Variants in PPARGC1A observed in about 807,000 individuals in gnomAD.
PPARGC1A encodes the protein PPARG coactivator 1 alpha.
A neutral mutation model predicts 88.7 loss-of-function variants in PPARGC1A; 25 were observed. The ratio of observed to expected loss-of-function variants is 0.28; its 90% confidence interval spans 0.21 to 0.39. PPARGC1A has a LOEUF of 0.39. Among genes scored for constraint, PPARGC1A ranks in the 10% least tolerant of loss-of-function variants. The probability of loss-of-function intolerance (pLI) is 1.00; values close to 1 mark genes in which losing one functional copy is unlikely to be tolerated. For synonymous variants in PPARGC1A, 363 were observed against 355.6 expected, an observed-to-expected ratio of 1.02 and a Z score of -0.24; for missense variants, 880 against 968.7, an observed-to-expected ratio of 0.91 and a Z score of 1.22.
At chr4:24,461,764 TAATTCCTTCTACAC>T in the PPARGC1A span, among the ~76,000 whole-genome samples, 17 of 152,190 alleles carry the variant, frequency 1.1e-4, no homozygotes, top group Non-Finnish European at 2.1e-4. Flanking sequence ...ATTCCTTGAC[TAATTCCTTCTACAC>T]TTTCCTTCTG....
the PPARGC1A span, among the ~76,000 whole-genome samples, chr4:24,353,053 C>T: frequency 6.6e-6 from 1 of 152,066 alleles, no homozygotes; most frequent in Admixed American, 6.5e-5. Context: ...TATTGAATGG[C>T]GGGTGGAGGA....
At chr4:24,147,312 G>A in the PPARGC1A span, among the ~76,000 whole-genome samples, 14 of 152,274 alleles carry the variant, frequency 9.2e-5, no homozygotes, top group East Asian at 5.8e-4. Context: ...CAGTGAGACC[G>A]GGGATCCATG....
the PPARGC1A span, among the ~76,000 whole-genome samples, chr4:24,109,262 T>G: frequency 6.9e-6 from 1 of 144,892 alleles, no homozygotes; most frequent in Non-Finnish European, 1.5e-5. Context: ...CCCCTCTACT[T>G]TATTTCTCTC....
chr4:23,846,202 C>A (rs78853165), intron 2 of PPARGC1A, among the ~76,000 whole-genome samples: 3,669 of 152,308 alleles, frequency 0.024, 96 homozygotes, highest in African/African-American at 0.065. Context: ...TGCCTTGCCA[C>A]ATTGTGGCTC....
chr4:23,973,324 C>T, the PPARGC1A span, among the ~76,000 whole-genome samples: 1 of 152,224 alleles, frequency 6.6e-6, no homozygotes, highest in African/African-American at 2.4e-5. Context: ...CAAAGGCTTT[C>T]AGACTTTATT....
chr4:24,113,675 T>A, the PPARGC1A span, among the ~76,000 whole-genome samples: 2 of 152,176 alleles, frequency 1.3e-5, no homozygotes, highest in Non-Finnish European at 2.9e-5. Context: ...GCTTCTCTTC[T>A]ATGGGAAAAA....
chr4:24,363,313 A>G, the PPARGC1A span, among the ~76,000 whole-genome samples: 10 of 152,354 alleles, frequency 6.6e-5, no homozygotes, highest in Middle Eastern at 3.4e-3. Context: ...TGTTGGCTCA[A>G]TATAAACATT....
the PPARGC1A span, among the ~76,000 whole-genome samples, chr4:24,142,036 A>G: frequency 6.6e-6 from 1 of 152,214 alleles, no homozygotes; most frequent in South Asian, 2.1e-4. Flanking sequence ...TTTAGCTTTC[A>G]TAATATTATT....
the PPARGC1A span, among the ~76,000 whole-genome samples, chr4:24,117,266 G>A: frequency 6.6e-6 from 1 of 151,990 alleles, no homozygotes. Context: ...TCTGTGCCTT[G>A]GCTTTTTCTT....
chr4:24,020,324 G>A, the PPARGC1A span, among the ~76,000 whole-genome samples: 2 of 152,120 alleles, frequency 1.3e-5, no homozygotes, highest in Non-Finnish European at 2.9e-5. Context: ...TACGGCACTG[G>A]CAAGGGGATT....
chr4:24,016,979 T>C, the PPARGC1A span, among the ~76,000 whole-genome samples: 2 of 152,134 alleles, frequency 1.3e-5, no homozygotes, highest in South Asian at 4.2e-4. Flanking sequence ...GAGGAAATTG[T>C]AGGAACAGGA....
At chr4:23,845,338 T>C (rs947311354) in intron 2 of PPARGC1A, among the ~76,000 whole-genome samples, 6 of 152,122 alleles carry the variant, frequency 3.9e-5, no homozygotes, top group Non-Finnish European at 8.8e-5. Context: ...CAGAGGTCAA[T>C]GCTATTTGTT....
At chr4:23,947,352 GATATATATAT>G in the PPARGC1A span, among the ~76,000 whole-genome samples, 8 of 75,850 alleles carry the variant, frequency 1.1e-4, no homozygotes, top group African/African-American at 4.8e-4. Context: ...GTTATATAGT[GATATATATAT>G]ATATATATAT....
intron 12 of PPARGC1A, 35 bp downstream of exon 12, chr4:23,801,695 T>C: frequency 2.5e-6 from 4 of 1,611,568 alleles, no homozygotes; most frequent in Non-Finnish European, 2.5e-6. Context: ...CTCTACATTA[T>C]GGATTCCTCA....
At chr4:23,804,633 T>A (rs1226088377) in intron 10 of PPARGC1A, among the ~76,000 whole-genome samples, 2 of 152,230 alleles carry the variant, frequency 1.3e-5, no homozygotes, top group Non-Finnish European at 2.9e-5. Context: ...AGGCCCTGTA[T>A]GGTCTGGGCC....
At chr4:24,203,336 C>T in the PPARGC1A span, among the ~76,000 whole-genome samples, 7 of 152,198 alleles carry the variant, frequency 4.6e-5, no homozygotes, top group South Asian at 8.3e-4. Flanking sequence ...GTCAGGAGTT[C>T]GAGACCAGTC....
the PPARGC1A span, among the ~76,000 whole-genome samples, chr4:24,344,736 A>G: frequency 6.6e-6 from 1 of 151,956 alleles, no homozygotes; most frequent in African/African-American, 2.4e-5. Flanking sequence ...TCCTTTTGCC[A>G]TGCAAAAGCC....
At chr4:24,393,607 G>C in the PPARGC1A span, among the ~76,000 whole-genome samples, 2 of 152,170 alleles carry the variant, frequency 1.3e-5, no homozygotes, top group African/African-American at 4.8e-5. Flanking sequence ...AGTGAGTAGG[G>C]AAAAGGGCAC....
chr4:24,016,795 A>T, the PPARGC1A span, among the ~76,000 whole-genome samples: 13 of 152,204 alleles, frequency 8.5e-5, no homozygotes. Flanking sequence ...TCAGAGGACA[A>T]ATTACACCAA....
Sources: gnomAD v4.1 joint callset for allele counts (sites outside exome capture counted in the v4.1 genomes callset) on GRCh38, gnomAD v4.1.1 for gene constraint, MANE v1.5 for transcripts, NCBI Gene and HGNC (gene_info 2026-07-23, HGNC 2026-07-21) for gene names.